Variants in CKAP5 observed in about 807,000 individuals in gnomAD.
CKAP5 encodes cytoskeleton associated protein 5.
CKAP5 carries 27 observed loss-of-function variants against 232.8 expected under a neutral mutation model. That is an observed-to-expected ratio of 0.12 (90% CI 0.09 to 0.16). The LOEUF (loss-of-function observed/expected upper bound fraction) is 0.16, where lower values mean the gene tolerates loss of function less well. Among genes scored for constraint, CKAP5 ranks in the 10% least tolerant of loss-of-function variants. CKAP5 has a pLI of 1.00. For missense variants in CKAP5, 1,838 were observed against 2,424.7 expected (o/e 0.76, Z 5.08); for synonymous variants, 785 against 841.1 (o/e 0.93, Z 1.16).
chr11:46,774,994 A>G (rs1021608627), intron 24 of CKAP5, among the ~76,000 whole-genome samples: 4 of 152,226 alleles, frequency 2.6e-5, no homozygotes, highest in African/African-American at 9.6e-5. Context: ...AATGGGATCT[A>G]ATTAAATTAA....
Position 46,780,474 on chromosome 11 carries a change from T to C in CKAP5, c.2261A>G (p.Lys754Arg). Residue 754 changes from lysine to arginine, a missense_variant, in exon 19 of 44, where the codon AAA becomes AGA. This residue lies in a region of CKAP5 where 767 missense variants were observed against 954.6 expected (regional missense o/e 0.80). Transcript: ENST00000529230. Reference sequence around the variant, plus strand: ...TGTCTTCACATTGCTAATGAAAGCTTTGACATTCAACCTAGAAGAAACATT... The same window carrying C: ...TGTCTTCACATTGCTAATGAAAGCTCTGACATTCAACCTAGAAGAAACATT... ...KEFGFSGLNVKAFISNVKTAL... is the reference protein window; with the variant it reads ...KEFGFSGLNVRAFISNVKTAL... 1 of 1,613,576 alleles carries C rather than the reference T, an allele frequency of 6.2e-7. No homozygotes were observed. The highest frequency in any genetic ancestry group is 1.1e-5 in the South Asian group (1 of 91,046).
At position 46,753,413 on chromosome 11, in the gene CKAP5, C is replaced by G. The variant is rs2065085042; in HGVS notation, c.4954G>C (p.Asp1652His). Residue 1652 changes from aspartate to histidine, a missense_variant, in exon 37 of 44, where the codon GAT (aspartate) becomes CAT (histidine). By Grantham distance (81) the Asp-to-His change is moderately conservative (BLOSUM62 -1). Coordinates refer to ENST00000529230, the MANE Select transcript of CKAP5 (RefSeq NM_001008938.4). ...TCCTCAAGATCTTCAATCCGAGAAT[C>G]CAGCATTAAGGTGATGAGGCCATGC... ...LMHGLITLML[D>H]SRIEDLEEGQ... The G allele has an allele frequency of 6.2e-7, 1 of 1,613,816 alleles. No homozygotes were observed. Among genetic ancestry groups the G allele is most frequent in the Non-Finnish European group, 8.5e-7 (1 of 1,179,942 alleles).
Position 46,814,186 on chromosome 11 carries a change from C to A in CKAP5, c.458+2012G>T, listed in dbSNP as rs1321920647. Among the ~76,000 whole-genome samples, 4 of 143,762 alleles carry A rather than the reference C, an allele frequency of 2.8e-5. No homozygotes were observed. In the East Asian group the frequency reaches 6.2e-4, roughly 22 times the overall value. The allele number at this position is 143,762 out of a possible 152,430, so 94.3% of individuals were successfully genotyped here. A position where few individuals can be genotyped will look rare whatever the true frequency, so the allele number is the denominator to read the frequency against. Reference sequence around the variant, plus strand: ...ACAGTATTTTTTAAAATTTAGACATCACTAAGGACACAAAAGATTTATTGA... The same window carrying A: ...ACAGTATTTTTTAAAATTTAGACATAACTAAGGACACAAAAGATTTATTGA... On this transcript the variant is annotated intron_variant, in intron 4 of 43. Transcript: ENST00000529230.
chr11:46,791,711 T>C (rs1938729473), intron 13 of CKAP5, among the ~76,000 whole-genome samples: 1 of 151,890 alleles, frequency 6.6e-6, no homozygotes, highest in South Asian at 2.1e-4. Flanking sequence ...TTTTCAAAAG[T>C]CCCAAGATAC....
At position 46,809,838 on chromosome 11, in the gene CKAP5, T is replaced by G. The variant is rs762405829; in HGVS notation, c.667A>C (p.Thr223Pro). ...AATCGAGTAGGTCTAGGAGCACTTG[T>G]TGGCAGTTTGACCCATTCTTCTTCT... ...ELEEEWVKLP[T>P]SAPRPTRFLR... is the part of the protein sequence containing the mutation. The change falls in exon 6 of 44, where the codon ACA becomes CCA. Residue 223 changes from threonine to proline, a missense_variant. This residue lies in a region of CKAP5 where 285 missense variants were observed against 300.0 expected (regional missense o/e 0.95). Transcript: ENST00000529230. The G allele has an allele frequency of 3.7e-6, 6 of 1,612,934 alleles. No homozygotes were observed. Among genetic ancestry groups the G allele is most frequent in the Non-Finnish European group, 5.1e-6 (6 of 1,179,702 alleles).
chr11:46,774,621 G>GTACT (rs1208912223), intron 24 of CKAP5, among the ~76,000 whole-genome samples: 77 of 152,214 alleles, frequency 5.1e-4, no homozygotes, highest in African/African-American at 1.6e-3. Context: ...AAACAGCATG[G>GTACT]TACTGGTACC....
intron 27 of CKAP5, among the ~76,000 whole-genome samples, chr11:46,766,496 T>C (rs969161706): frequency 1.3e-5 from 2 of 152,158 alleles, no homozygotes; most frequent in African/African-American, 4.8e-5. Flanking sequence ...AATTGTAATA[T>C]TTAGAAGAAA....
intron 1 of CKAP5, 22 bp from the exon 2 acceptor site, chr11:46,821,290 C>T (rs7106323): frequency 8.1e-7 from 1 of 1,234,712 alleles, no homozygotes; most frequent in East Asian, 2.4e-5. Flanking sequence ...AAGGTAGAAA[C>T]CTGCTTAGCA....
At chr11:46,757,121 G>A (rs971376109) in intron 35 of CKAP5, among the ~76,000 whole-genome samples, 3 of 151,940 alleles carry the variant, frequency 2.0e-5, no homozygotes, top group Admixed American at 1.3e-4. Context: ...TGTTTCCCAT[G>A]ATTCAGGTTA....
intron 24 of CKAP5, among the ~76,000 whole-genome samples, chr11:46,773,034 G>T (rs1273589046): frequency 1.3e-5 from 2 of 150,600 alleles, no homozygotes; most frequent in Admixed American, 1.3e-4. Flanking sequence ...GAGCCACCGC[G>T]CCTGGCCCTC....
chr11:46,754,314 A>G (rs2065094388), intron 36 of CKAP5, among the ~76,000 whole-genome samples: 1 of 152,148 alleles, frequency 6.6e-6, no homozygotes, highest in Non-Finnish European at 1.5e-5. Context: ...TTGTTTTTAC[A>G]TGTGAAATTA....
At chr11:46,808,231 A>G in intron 7 of CKAP5, 87 bp from the exon 8 acceptor site, 1 of 910,832 alleles carries the variant, frequency 1.1e-6, no homozygotes, top group South Asian at 1.6e-5. Flanking sequence ...ATTCAAAGAT[A>G]CATAATTTTT....
chr11:46,801,989 A>G (rs1259997827), intron 8 of CKAP5: 1 of 152,254 alleles, frequency 6.6e-6, no homozygotes, highest in Non-Finnish European at 1.5e-5. Flanking sequence ...TCTCTGAAAG[A>G]CATCACAGGG....
At chr11:46,844,764 C>T (rs1351852606) in intron 1 of CKAP5, among the ~76,000 whole-genome samples, 1 of 152,114 alleles carries the variant, frequency 6.6e-6, no homozygotes, top group Admixed American at 6.5e-5. Flanking sequence ...GCCTCGGCCT[C>T]CCGAGTAGCT....
chr11:46,822,731 G>A (rs375302724), intron 1 of CKAP5, among the ~76,000 whole-genome samples: 76 of 98,228 alleles, frequency 7.7e-4, no homozygotes, highest in African/African-American at 3.3e-3. Context: ...CTGGGCAACA[G>A]ACTCCGTCCC....
At position 46,750,228 on chromosome 11, in the gene CKAP5, G is replaced by A. The variant is rs1173404983; in HGVS notation, c.5704+46C>T. 3.2e-6 allele frequency: 5 copies of A among 1,576,990 alleles called. No homozygotes were observed. The African/African-American group carries it at 4.1e-5, about 13-fold the overall frequency. ...ACCAAAACTTCAGGTTCCTGTGCTA[G>A]GAGCTATTTTGAGCTTATTCCTGGA... On this transcript the variant is annotated intron_variant, in intron 42 of 43. Coordinates refer to ENST00000529230, the MANE Select transcript of CKAP5 (RefSeq NM_001008938.4).
chr11:46,797,052 G>A lies in CKAP5; in HGVS notation c.1339-112C>T. On this transcript the variant is annotated intron_variant, in intron 11 of 43. Coordinates refer to ENST00000529230, the MANE Select transcript of CKAP5 (RefSeq NM_001008938.4). ...AAGAATTTGCTTTTTACAATTTACT[G>A]GAACTAAGTATAGCTTTCCTTGTGC... 5 of 1,182,126 alleles carry A rather than the reference G, an allele frequency of 4.2e-6. No individual in the cohort carries two copies. The South Asian group carries it at 5.6e-5, about 13-fold the overall frequency. The allele number at this position is 1,182,126 out of a possible 1,614,324, so 73.2% of individuals were successfully genotyped here.
At position 46,750,226 on chromosome 11, in the gene CKAP5, T is replaced by A. The variant is rs367973544; in HGVS notation, c.5704+48A>T. 3.8e-6 allele frequency: 6 copies of A among 1,574,124 alleles called. No homozygotes were observed. The African/African-American group carries it at 8.2e-5, about 22-fold the overall frequency. On this transcript the variant is annotated intron_variant, in intron 42 of 43. Transcript: ENST00000529230. Reference sequence around the variant, plus strand: ...TAACCAAAACTTCAGGTTCCTGTGCTAGGAGCTATTTTGAGCTTATTCCTG... The same window carrying A: ...TAACCAAAACTTCAGGTTCCTGTGCAAGGAGCTATTTTGAGCTTATTCCTG...
chr11:46,807,591 C>A (rs1316256991), intron 8 of CKAP5, among the ~76,000 whole-genome samples: 2 of 152,336 alleles, frequency 1.3e-5, no homozygotes, highest in East Asian at 3.9e-4. Flanking sequence ...ATGTTTATCT[C>A]TTACTTAGTA....
Sources: allele counts gnomAD v4.1 joint callset (sites outside exome capture counted in the v4.1 genomes callset), GRCh38; gene constraint gnomAD v4.1.1; regional missense constraint gnomAD v4.1.1; transcripts MANE v1.5; gene names NCBI Gene and HGNC (gene_info 2026-07-23, HGNC 2026-07-21).